Variants in NR3C2 observed in about 807,000 individuals in gnomAD.
The protein encoded by NR3C2 is mineralocorticoid receptor.
Under a neutral mutation model 86.4 loss-of-function variants are expected in NR3C2, and 15 were observed. That is an observed-to-expected ratio of 0.17 (90% CI 0.12 to 0.27). NR3C2 has a LOEUF of 0.27. Ranked by LOEUF, NR3C2 falls within the 10% of genes least tolerant of loss-of-function variation. The pLI is 1.00. For missense variants in NR3C2, 960 were observed against 1,195.6 expected, an observed-to-expected ratio of 0.80 and a Z score of 2.91; for synonymous variants, 458 against 450.5, an observed-to-expected ratio of 1.02 and a Z score of -0.21.
At chr4:148,391,866 C>CAA (rs11384324) in intron 2 of NR3C2, among the ~76,000 whole-genome samples, 3,323 of 111,440 alleles carry the variant, frequency 0.03, 59 homozygotes, top group Non-Finnish European at 0.039. Context: ...GACTCCATTG[C>CAA]AAAAAAAAAA....
At chr4:148,246,697 G>A (rs1739330976) in intron 3 of NR3C2, among the ~76,000 whole-genome samples, 1 of 152,000 alleles carries the variant, frequency 6.6e-6, no homozygotes, top group Non-Finnish European at 1.5e-5. Context: ...GATTACAGGT[G>A]CTCACCACCA....
At position 148,241,327 on chromosome 4, in the gene NR3C2, AAAAAAAG is replaced by A. The variant is rs1479750630; in HGVS notation, c.1897+18644_1897+18650del. ...TCTCAAAAAAAAAAAAAAAAAAAAA[AAAAAAAG>A]GGGAAAAATAAAATCTAATCTCCCT... On this transcript the variant is annotated intron_variant, in intron 3 of 8. Coordinates refer to ENST00000358102, the MANE Select transcript of NR3C2 (RefSeq NM_000901.5). Among the ~76,000 whole-genome samples the A allele has an allele frequency of 1.3e-4, 19 of 145,782 alleles. 5 individuals are homozygous for A. The highest frequency in any genetic ancestry group is 4.6e-4 in the South Asian group (2 of 4,332).
At chr4:148,190,905 G>A (rs979032139) in intron 4 of NR3C2, among the ~76,000 whole-genome samples, 1 of 152,194 alleles carries the variant, frequency 6.6e-6, no homozygotes, top group East Asian at 1.9e-4. Context: ...CAGATAGTTG[G>A]TTGGTGAGTT....
chr4:148,441,702 G>A (rs999158111), intron 1 of NR3C2, among the ~76,000 whole-genome samples: 2 of 152,182 alleles, frequency 1.3e-5, no homozygotes, highest in African/African-American at 4.8e-5. Context: ...AACGGGAAAT[G>A]CACGAATTTC....
chr4:148,405,984 G>C (rs1054610740), intron 2 of NR3C2, among the ~76,000 whole-genome samples: 1 of 152,098 alleles, frequency 6.6e-6, no homozygotes, highest in Non-Finnish European at 1.5e-5. Flanking sequence ...TCTCTGCAAA[G>C]GGTTTTGGGT....
At chr4:148,415,673 C>G (rs1056306367) in intron 2 of NR3C2, among the ~76,000 whole-genome samples, 1 of 152,182 alleles carries the variant, frequency 6.6e-6, no homozygotes, top group Non-Finnish European at 1.5e-5. Context: ...TAGATCCTAA[C>G]TGAACAAAAT....
chr4:148,273,680 G>C (rs1487084218), intron 2 of NR3C2, among the ~76,000 whole-genome samples: 1 of 152,160 alleles, frequency 6.6e-6, no homozygotes, highest in African/African-American at 2.4e-5. Context: ...ACAGACACGA[G>C]AAGGAACACA....
chr4:148,095,316 C>T lies in NR3C2; in HGVS notation c.2800-13817G>A, dbSNP rs897963669. Among the ~76,000 whole-genome samples, 10 of 152,224 alleles carry T rather than the reference C, an allele frequency of 6.6e-5. No homozygotes were observed. The East Asian group carries it at 1.3e-3, about 20-fold the overall frequency. On this transcript the variant is annotated intron_variant, in intron 8 of 8. Transcript: ENST00000358102. Reference sequence around the variant, plus strand: ...GCTCTGCTTTTTCCCTGTCTGGTTACGGCTCAGCAAAATGTGACGTGATAT... The same window carrying T: ...GCTCTGCTTTTTCCCTGTCTGGTTATGGCTCAGCAAAATGTGACGTGATAT...
At chr4:148,442,627 G>T (rs990376249), upstream of NR3C2, 6 of 985,228 alleles carry the variant, frequency 6.1e-6, no homozygotes, top group East Asian at 5.7e-4. Flanking sequence ...CGGGTCAGGC[G>T]GGCTTCTTAT....
Position 148,400,167 on chromosome 4 carries a change from CCA to C in NR3C2, c.1757+34935_1757+34936del, listed in dbSNP as rs1304555807. On this transcript the variant is annotated intron_variant, in intron 2 of 8. Transcript: ENST00000358102. ...AATAGTCTGGGATTTGATTAAATGT[CCA>C]GGTCTACTGTTTTCACATTCTTAAG... Among the ~76,000 whole-genome samples the C allele has an allele frequency of 2.0e-5, 3 of 152,152 alleles. No homozygotes were observed. In the East Asian group the frequency reaches 5.8e-4, roughly 29 times the overall value.
At chr4:148,261,270 TGCACTATGGTAA>T (rs200489263) in intron 2 of NR3C2, among the ~76,000 whole-genome samples, 27,895 of 102,792 alleles carry the variant, frequency 0.27, 3,228 homozygotes, top group East Asian at 0.47. Flanking sequence ...AGCGCTATGG[TGCACTATGGTAA>T]GCGCTATGGT....
chr4:148,381,101 G>A (rs116321361), intron 2 of NR3C2, among the ~76,000 whole-genome samples: 25,324 of 151,930 alleles, frequency 0.17, 2,628 homozygotes, highest in Non-Finnish European at 0.22. Flanking sequence ...GGTTGCACAC[G>A]CCTGTAGTCC....
Position 148,322,855 on chromosome 4 carries a change from G to T in NR3C2, c.1758-62738C>A, listed in dbSNP as rs1342754337. 9.4e-5 allele frequency among the ~76,000 whole-genome samples: 9 copies of T among 96,006 alleles called. No individual in the cohort carries two copies. In the Admixed American group the frequency reaches 1.1e-3, roughly 12 times the overall value. 63.0% of individuals were successfully genotyped at this position (96,006 alleles called of 152,430 possible). A position where few individuals can be genotyped will look rare whatever the true frequency, so the allele number is the denominator to read the frequency against. ...TCCCGTAGCTCAGAGTAATTTGATC[G>T]TCTGAAGCCTTCTTCTCTGAGCTCG... On this transcript the variant is annotated intron_variant, in intron 2 of 8. Coordinates refer to ENST00000358102, the MANE Select transcript of NR3C2 (RefSeq NM_000901.5).
At chr4:148,413,275 G>A (rs1748802516) in intron 2 of NR3C2, among the ~76,000 whole-genome samples, 1 of 152,090 alleles carries the variant, frequency 6.6e-6, no homozygotes. Context: ...TTAGAGGATG[G>A]TGGTAGAAAT....
chr4:148,128,414 T>C (rs1522449), intron 6 of NR3C2, among the ~76,000 whole-genome samples: 2,138 of 152,322 alleles, frequency 0.014, 31 homozygotes, highest in Non-Finnish European at 0.026. Context: ...ATCATATTCA[T>C]GTTGTATTTT....
intron 2 of NR3C2, among the ~76,000 whole-genome samples, chr4:148,401,362 T>C (rs1007690038): frequency 6.6e-6 from 1 of 152,168 alleles, no homozygotes. Context: ...AAACACTATA[T>C]TTCCCAGCTT....
At chr4:148,361,626 T>G (rs1431596748) in intron 2 of NR3C2, among the ~76,000 whole-genome samples, 1 of 152,210 alleles carries the variant, frequency 6.6e-6, no homozygotes, top group Non-Finnish European at 1.5e-5. Context: ...TAAATCTCTC[T>G]GGTCCACCAT....
At chr4:148,099,663 G>A (rs1401678939) in intron 8 of NR3C2, among the ~76,000 whole-genome samples, 2 of 152,186 alleles carry the variant, frequency 1.3e-5, no homozygotes, top group African/African-American at 4.8e-5. Flanking sequence ...AAGACACTAT[G>A]TAAATCCCAG....
chr4:148,104,241 T>A (rs1017122749), intron 8 of NR3C2, among the ~76,000 whole-genome samples: 3 of 152,074 alleles, frequency 2.0e-5, no homozygotes, highest in African/African-American at 2.4e-5. Flanking sequence ...ATGAGTAAGA[T>A]CTCCCATGTC....
Sources: gnomAD v4.1 joint callset for allele counts (sites outside exome capture counted in the v4.1 genomes callset) on GRCh38, gnomAD v4.1.1 for gene constraint, MANE v1.5 for transcripts, NCBI Gene and HGNC (gene_info 2026-07-23, HGNC 2026-07-21) for gene names.